Variants in SMAD1 observed in about 807,000 individuals in gnomAD.
SMAD1 encodes SMAD family member 1, also known as MAD, mothers against decapentaplegic homolog 1.
A neutral mutation model predicts 41.6 loss-of-function variants in SMAD1; 6 were observed. That is an observed-to-expected ratio of 0.14 (90% CI 0.08 to 0.28). SMAD1 has a LOEUF of 0.28. Among genes scored for constraint, SMAD1 ranks in the 10% least tolerant of loss-of-function variants. SMAD1 has a pLI of 1.00. For synonymous variants in SMAD1, 206 were observed against 203.2 expected (o/e 1.01, Z -0.12); for missense variants, 379 against 582.6 (o/e 0.65, Z 3.60).
chr4:145,557,854 C>A lies in SMAD1; in HGVS notation c.1318C>A (p.Leu440Met). 1 of 1,612,700 alleles carries A rather than the reference C, an allele frequency of 6.2e-7. No homozygotes were observed. Among genetic ancestry groups the A allele is most frequent in the Non-Finnish European group, 8.5e-7 (1 of 1,178,962 alleles). The stretch of plus-strand genomic sequence containing the variant: ...CACCCCCTGCTGGATTGAGATACAT[C>A]TGCACGGCCCCCTCCAGTGGCTGGA... ...TSTPCWIEIH[L>M]HGPLQWLDKV... The change falls in exon 7 of 7, where the codon CTG (leucine) becomes ATG (methionine). Residue 440 changes from leucine to methionine, a missense_variant. Coordinates refer to ENST00000302085, the MANE Select transcript of SMAD1 (RefSeq NM_005900.3).
intron 6 of SMAD1, among the ~76,000 whole-genome samples, chr4:145,554,715 T>G (rs1732744382): frequency 6.6e-6 from 1 of 152,178 alleles, no homozygotes; most frequent in South Asian, 2.1e-4. Flanking sequence ...AAATAAAAAT[T>G]TTTAAGATGC....
intron 4 of SMAD1, 110 bp from the exon 5 acceptor site, chr4:145,546,593 C>A: frequency 3.8e-6 from 3 of 780,560 alleles, no homozygotes; most frequent in Non-Finnish European, 4.5e-6. Context: ...ATAGCAATTG[C>A]TTTTCCAGTG....
intron 1 of SMAD1, among the ~76,000 whole-genome samples, chr4:145,487,528 C>A (rs1728539145): frequency 6.6e-6 from 1 of 152,066 alleles, no homozygotes; most frequent in South Asian, 2.1e-4. Flanking sequence ...CTTTATTTTC[C>A]TTTCCTGCTG....
At chr4:145,516,172 T>C (rs761475571) in intron 2 of SMAD1, among the ~76,000 whole-genome samples, 7 of 152,214 alleles carry the variant, frequency 4.6e-5, no homozygotes, top group Non-Finnish European at 1.0e-4. Context: ...CTGTTCTGAA[T>C]CTGACGCTTA....
rs1021838282 is a variant in SMAD1 at position 145,559,148 on chromosome 4, C to T, written c.*1214C>T. ...TCTCTACTGGAAATTTTCAATAAAC[C>T]TGTCATTATTGCTTACTTTGATTAA... On this transcript the variant is annotated 3_prime_UTR_variant, in exon 7 of 7. Transcript: ENST00000302085. Among the ~76,000 whole-genome samples, 6 of 152,032 alleles carry T rather than the reference C, an allele frequency of 3.9e-5. No homozygotes were observed. The highest frequency in any genetic ancestry group is 1.4e-4 in the African/African-American group (6 of 41,392).
chr4:145,511,302 C>CA (rs112468242), intron 1 of SMAD1, among the ~76,000 whole-genome samples: 30,847 of 152,060 alleles, frequency 0.2, 7,380 homozygotes, highest in African/African-American at 0.58. Flanking sequence ...TTTTTAGAGA[C>CA]GCTCTCACTC....
chr4:145,494,249 C>T (rs575416830), intron 1 of SMAD1, among the ~76,000 whole-genome samples: 13 of 152,300 alleles, frequency 8.5e-5, no homozygotes, highest in Admixed American at 2.6e-4. Context: ...CGTGAGCCAC[C>T]GCGCCCGGCC....
rs142783291 is a variant in SMAD1, at chr4:145,536,530, C to A, written c.401-3274C>A. Among the ~76,000 whole-genome samples, 60 of 152,232 alleles carry A rather than the reference C, an allele frequency of 3.9e-4. 1 individual carries two copies. In the East Asian group the frequency reaches 9.3e-3, roughly 23 times the overall value. ...ATAAAGATATTTATAGATTATAGCT[C>A]ATTGATTAAGAATCCATGAAGCCAT... On this transcript the variant is annotated intron_variant, in intron 2 of 6. Transcript: ENST00000302085.
intron 4 of SMAD1, chr4:145,544,585 A>C (rs1416458340): frequency 6.6e-6 from 1 of 152,218 alleles, no homozygotes; most frequent in Non-Finnish European, 1.5e-5. Context: ...CAGTCTCAAA[A>C]AAAAAAAAGA....
intron 2 of SMAD1, among the ~76,000 whole-genome samples, chr4:145,523,501 A>AGAT (rs1183369372): frequency 9.8e-5 from 15 of 152,346 alleles, no homozygotes; most frequent in African/African-American, 3.6e-4. Context: ...ATGAAAGATC[A>AGAT]AGACTGAGAA....
chr4:145,553,517 G>A (rs543255616), intron 5 of SMAD1, among the ~76,000 whole-genome samples: 4 of 152,202 alleles, frequency 2.6e-5, no homozygotes, highest in African/African-American at 7.2e-5. Flanking sequence ...TAATGCTGCC[G>A]CTGATCTAAC....
Position 145,557,883 on chromosome 4 carries a change from A to G in SMAD1, c.1347A>G (p.Lys449=), listed in dbSNP as rs773082140. ...HLHGPLQWLD[K]VLTQMGSPHN... is the part of the protein sequence containing the mutation. ...ACGGCCCCCTCCAGTGGCTGGATAA[A>G]GTTCTTACTCAAATGGGTTCACCTC... Residue 449 remains lysine, a synonymous_variant, in exon 7 of 7, where the codon AAA becomes AAG. Transcript: ENST00000302085. 3 of 1,612,784 alleles carry G rather than the reference A, an allele frequency of 1.9e-6. No individual in the cohort carries two copies. In the African/African-American group the frequency reaches 4.0e-5, roughly 22 times the overall value.
chr4:145,557,306 C>T (rs1273156042), intron 6 of SMAD1, among the ~76,000 whole-genome samples: 1 of 152,060 alleles, frequency 6.6e-6, no homozygotes, highest in Non-Finnish European at 1.5e-5. Context: ...TACTCCTGCC[C>T]GTTTTGCTCA....
chr4:145,542,984 T>G (rs891684167), intron 4 of SMAD1, among the ~76,000 whole-genome samples: 4 of 152,080 alleles, frequency 2.6e-5, no homozygotes, highest in Non-Finnish European at 4.4e-5. Flanking sequence ...TTTTTTTTGT[T>G]TTTTTTTGAG....
At chr4:145,532,152 AG>A (rs1731353446) in intron 2 of SMAD1, among the ~76,000 whole-genome samples, 1 of 152,248 alleles carries the variant, frequency 6.6e-6, no homozygotes, top group South Asian at 2.1e-4. Context: ...TGAGTATAAT[AG>A]CAGAATCACA....
chr4:145,506,862 AT>A (rs1408973677), intron 1 of SMAD1, among the ~76,000 whole-genome samples: 1 of 152,212 alleles, frequency 6.6e-6, no homozygotes, highest in Non-Finnish European at 1.5e-5. Flanking sequence ...TCCTTTAAAT[AT>A]AAAGCAAGTT....
intron 1 of SMAD1, among the ~76,000 whole-genome samples, chr4:145,509,171 C>T (rs1729946701): frequency 6.6e-6 from 1 of 152,180 alleles, no homozygotes; most frequent in Admixed American, 6.5e-5. Context: ...CCTGGAAGGT[C>T]ACCTAATAAA....
chr4:145,489,125 T>A (rs1450859047), intron 1 of SMAD1, among the ~76,000 whole-genome samples: 3 of 152,192 alleles, frequency 2.0e-5, no homozygotes, highest in East Asian at 1.9e-4. Context: ...CAGCATTTTT[T>A]AAAAAATTAA....
chr4:145,507,980 T>C (rs187704748), intron 1 of SMAD1, among the ~76,000 whole-genome samples: 1 of 152,218 alleles, frequency 6.6e-6, no homozygotes, highest in African/African-American at 2.4e-5. Flanking sequence ...GGCATGTTTA[T>C]ATGCAAAGTG....
Sources: allele counts gnomAD v4.1 joint callset (sites outside exome capture counted in the v4.1 genomes callset), GRCh38; gene constraint gnomAD v4.1.1; transcripts MANE v1.5; gene names NCBI Gene and HGNC (gene_info 2026-07-23, HGNC 2026-07-21).